ASH2L: variants seen among roughly 807,000 people sequenced by gnomAD.
ASH2L encodes set1/Ash2 histone methyltransferase complex subunit ASH2.
ASH2L carries 30 observed loss-of-function variants against 81.1 expected under a neutral mutation model. The ratio of observed to expected loss-of-function variants is 0.37; its 90% CI spans 0.28 to 0.50. The LOEUF is 0.50. Among genes scored for constraint, ASH2L ranks in the 20% least tolerant of loss-of-function variants. ASH2L has a pLI of 0.95. For missense variants in ASH2L, 559 were observed against 792.1 expected (o/e 0.71, Z 3.53); for synonymous variants, 273 against 279.9 (o/e 0.98, Z 0.24).
intron 8 of ASH2L, chr8:38,119,015 A>G (rs1811025315): frequency 2.8e-6 from 1 of 361,044 alleles, no homozygotes; most frequent in East Asian, 6.8e-5. Context: ...ATTAGGAACA[A>G]AGGTTGAAAA....
Position 38,114,226 on chromosome 8 carries a change from G to T in ASH2L, c.620G>T (p.Cys207Phe), listed in dbSNP as rs1196896021. Residue 207 changes from cysteine (C) to phenylalanine (F), a missense_variant, in exon 6 of 16, where the codon TGC becomes TTC. Cys to Phe is a radical substitution (Grantham distance 205). Coordinates refer to ENST00000343823, the MANE Select transcript of ASH2L (RefSeq NM_004674.5). The part of the protein sequence containing the change: ...IIPFIDKYWE[C>F]MTTRQRPGKM... ...CCATTTATTGATAAATACTGGGAGTGCATGACAACCAGACAGAGACCTGGG... is the reference window on the plus strand; with the variant it reads ...CCATTTATTGATAAATACTGGGAGTTCATGACAACCAGACAGAGACCTGGG... The T allele has an allele frequency of 6.2e-7, 1 of 1,605,422 alleles. No homozygotes were observed. The highest frequency in any genetic ancestry group is 8.5e-7 in the Non-Finnish European group (1 of 1,175,888).
chr8:38,113,149 T>C (rs563681395), intron 5 of ASH2L, among the ~76,000 whole-genome samples: 157 of 152,180 alleles, frequency 1.0e-3, no homozygotes, highest in African/African-American at 3.6e-3. Flanking sequence ...TTGTATTTTT[T>C]GGTAGAGACA....
chr8:38,111,382 C>T (rs537261608), intron 5 of ASH2L, among the ~76,000 whole-genome samples: 5 of 152,266 alleles, frequency 3.3e-5, no homozygotes, highest in South Asian at 2.1e-4. Context: ...AGCCACTGCA[C>T]GTGGCCTCTT....
At chr8:38,124,177 T>C (rs1801740418) in intron 10 of ASH2L, 1 of 152,044 alleles carries the variant, frequency 6.6e-6, no homozygotes, top group Admixed American at 6.6e-5. Flanking sequence ...CAGCGTGCTA[T>C]ATATATAGTC....
chr8:38,119,643 T>G (rs1436957161), intron 9 of ASH2L, among the ~76,000 whole-genome samples: 1 of 151,636 alleles, frequency 6.6e-6, no homozygotes, highest in Non-Finnish European at 1.5e-5. Flanking sequence ...CCATCTCCAC[T>G]AAAAATACAA....
chr8:38,120,108 A>T (rs113669813), intron 9 of ASH2L, among the ~76,000 whole-genome samples: 1,668 of 152,346 alleles, frequency 0.011, 31 homozygotes, highest in South Asian at 0.079. Flanking sequence ...CTGGGCCACG[A>T]GAACGAAACT....
At chr8:38,133,604 C>T in intron 13 of ASH2L, 58 bp downstream of exon 13, 2 of 1,326,500 alleles carry the variant, frequency 1.5e-6, no homozygotes, top group East Asian at 2.3e-5. Context: ...AGGACCCATT[C>T]CTTCATTATA....
At chr8:38,115,341 TTC>T (rs1810851718) in intron 7 of ASH2L, among the ~76,000 whole-genome samples, 1 of 152,272 alleles carries the variant, frequency 6.6e-6, no homozygotes, top group South Asian at 2.1e-4. Flanking sequence ...CTTAAAAACT[TTC>T]TTTGTTGTGA....
Sources: gnomAD v4.1 joint callset for allele counts (sites outside exome capture counted in the v4.1 genomes callset) on GRCh38, gnomAD v4.1.1 for gene constraint, MANE v1.5 for transcripts, NCBI Gene and HGNC (gene_info 2026-07-23, HGNC 2026-07-21) for gene names.